VPS53: variants seen among roughly 807,000 people sequenced by gnomAD.
VPS53 encodes vacuolar protein sorting-associated protein 53 homolog.
VPS53 carries 70 observed loss-of-function variants against 107.0 expected under a neutral mutation model. The ratio of observed to expected loss-of-function variants is 0.65; its 90% CI spans 0.54 to 0.80. The LOEUF is 0.80. VPS53 is among the 30% of genes least tolerant of loss of function. The probability of loss-of-function intolerance (pLI) is 0.00; values close to 1 mark genes in which losing one functional copy is unlikely to be tolerated. For missense variants in VPS53, 917 were observed against 1,049.4 expected, an observed-to-expected ratio of 0.87 and a Z score of 1.74; for synonymous variants, 409 against 393.3, an observed-to-expected ratio of 1.04 and a Z score of -0.47.
At chr17:611,871 TCATA>T (rs1968894762) in intron 11 of VPS53, among the ~76,000 whole-genome samples, 1 of 149,680 alleles carries the variant, frequency 6.7e-6, no homozygotes, top group Non-Finnish European at 1.5e-5. Context: ...CATAGTGAGT[TCATA>T]CAGTGAAAAC....
chr17:686,498 T>C (rs1972590281), intron 4 of VPS53, among the ~76,000 whole-genome samples: 1 of 152,224 alleles, frequency 6.6e-6, no homozygotes, highest in Non-Finnish European at 1.5e-5. Flanking sequence ...ATGGAGGTCT[T>C]GAAGACAGGA....
intron 4 of VPS53, among the ~76,000 whole-genome samples, chr17:687,306 G>A (rs1213467581): frequency 2.0e-5 from 3 of 150,514 alleles, no homozygotes; most frequent in Non-Finnish European, 4.4e-5. Context: ...AGCCAGGTGC[G>A]GTGGCTCATA....
At chr17:593,565 C>T (rs1396462542) in intron 12 of VPS53, among the ~76,000 whole-genome samples, 1 of 152,146 alleles carries the variant, frequency 6.6e-6, no homozygotes, top group Non-Finnish European at 1.5e-5. Context: ...AAAATGCTCA[C>T]CATCACTGGC....
At chr17:685,503 C>A (rs530870696) in intron 4 of VPS53, among the ~76,000 whole-genome samples, 144 of 152,182 alleles carry the variant, frequency 9.5e-4, no homozygotes, top group African/African-American at 3.3e-3. Flanking sequence ...ATAAAATAGG[C>A]TCGGTGTTAG....
intron 1 of VPS53, among the ~76,000 whole-genome samples, chr17:712,703 T>C (rs1973689329): frequency 6.6e-6 from 1 of 152,176 alleles, no homozygotes; most frequent in Non-Finnish European, 1.5e-5. Context: ...TCACTCAAAC[T>C]TATTCTTACA....
chr17:657,585 C>T (rs1369552869), intron 5 of VPS53: 12 of 827,900 alleles, frequency 1.4e-5, no homozygotes, highest in South Asian at 1.0e-4. Flanking sequence ...CTTTGTCTTC[C>T]GGTGCACATA....
chr17:623,773 G>GT, intron 10 of VPS53, 99 bp from the exon 11 acceptor site: 1 of 1,274,292 alleles, frequency 7.8e-7, no homozygotes, highest in Non-Finnish European at 1.1e-6. Flanking sequence ...AAAAAAAAAT[G>GT]TATGTGGTCA....
At chr17:648,442 T>C (rs1970791418) in intron 7 of VPS53, among the ~76,000 whole-genome samples, 1 of 152,062 alleles carries the variant, frequency 6.6e-6, no homozygotes. Flanking sequence ...TCCCAGCTAC[T>C]TGGGAGGCTG....
chr17:703,342 T>A, intron 2 of VPS53, among the ~76,000 whole-genome samples: 1 of 152,202 alleles, frequency 6.6e-6, no homozygotes, highest in East Asian at 1.9e-4. Context: ...GCTGCAGAGA[T>A]CCTCTTTCTT....
At chr17:587,793 C>T (rs1597346384) in intron 12 of VPS53, among the ~76,000 whole-genome samples, 1 of 152,166 alleles carries the variant, frequency 6.6e-6, no homozygotes, top group East Asian at 1.9e-4. Context: ...TGTAAATTGG[C>T]ACCCACAACA....
At position 662,881 on chromosome 17, in the gene VPS53, G is replaced by C. The variant is rs540303472; in HGVS notation, c.286-986C>G. 1.7e-3 allele frequency among the ~76,000 whole-genome samples: 242 copies of C among 140,448 alleles called. 1 individual carries two copies. Among genetic ancestry groups the C allele is most frequent in the African/African-American group, 5.1e-3 (191 of 37,556 alleles). 92.1% of individuals were successfully genotyped at this position (140,448 alleles called of 152,430 possible). On this transcript the variant is annotated intron_variant, in intron 4 of 21. Coordinates refer to ENST00000437048, the MANE Select transcript of VPS53 (RefSeq NM_001128159.3). The stretch of plus-strand genomic sequence containing the variant: ...AGGAAGGAAGGAAGGAACGAAGGAA[G>C]GAAGGAAGGAAGGCAGGCAGGCAGG...
intron 19 of VPS53, among the ~76,000 whole-genome samples, chr17:525,327 G>A (rs1909047083): frequency 6.6e-6 from 1 of 152,174 alleles, no homozygotes. Context: ...TGGAGGAAGA[G>A]ATGGGCAGGG....
chr17:611,203 G>A (rs1255715039), intron 11 of VPS53, among the ~76,000 whole-genome samples: 1 of 152,020 alleles, frequency 6.6e-6, no homozygotes, highest in Non-Finnish European at 1.5e-5. Context: ...TAGTACAGAC[G>A]GGGTTTCACC....
intron 7 of VPS53, among the ~76,000 whole-genome samples, chr17:640,192 G>T (rs1386932324): frequency 1.3e-5 from 2 of 152,186 alleles, no homozygotes; most frequent in South Asian, 2.1e-4. Flanking sequence ...TGTGGGACCC[G>T]CCGAGCCAGG....
chr17:605,335 TGAG>T lies in VPS53; in HGVS notation c.1117-3442_1117-3440del, dbSNP rs372543045. Among the ~76,000 whole-genome samples the T allele has an allele frequency of 6.7e-3, 1,017 of 152,240 alleles. 12 individuals carry two copies. The highest frequency in any genetic ancestry group is 0.023 in the African/African-American group (966 of 41,522). ...ACACAGGGTCATCAGAAAAGGTCTC[TGAG>T]GAGATGACGGCTGAGCTGAGTAAGA... On this transcript the variant is annotated intron_variant, in intron 11 of 21. Coordinates refer to ENST00000437048, the MANE Select transcript of VPS53 (RefSeq NM_001128159.3).
intron 11 of VPS53, among the ~76,000 whole-genome samples, chr17:622,088 T>C (rs1233155454): frequency 1.3e-5 from 2 of 152,020 alleles, no homozygotes; most frequent in Non-Finnish European, 2.9e-5. Context: ...GGTGTGCACC[T>C]GTAATCCCAG....
At chr17:672,923 G>A (rs562385854) in intron 4 of VPS53, among the ~76,000 whole-genome samples, 4 of 151,988 alleles carry the variant, frequency 2.6e-5, no homozygotes, top group East Asian at 1.9e-4. Flanking sequence ...CCATCCTGGC[G>A]AACACGGTGA....
intron 19 of VPS53, chr17:523,390 C>T (rs1456829036): frequency 2.0e-5 from 3 of 152,330 alleles, no homozygotes; most frequent in Non-Finnish European, 2.9e-5. Context: ...CTCTCTGCCA[C>T]TGCCTGCTTC....
intron 7 of VPS53, among the ~76,000 whole-genome samples, chr17:632,360 G>A (rs1969999620): frequency 1.3e-5 from 2 of 151,946 alleles, no homozygotes; most frequent in South Asian, 2.1e-4. Flanking sequence ...AATGTTTTAG[G>A]GTGTTTTGTA....
Sources: allele counts gnomAD v4.1 joint callset (sites outside exome capture counted in the v4.1 genomes callset), GRCh38; gene constraint gnomAD v4.1.1; transcripts MANE v1.5; gene names NCBI Gene and HGNC (gene_info 2026-07-23, HGNC 2026-07-21).